The following AGBL1 variants were observed in gnomAD, a reference collection of about 807,000 sequenced individuals.
The protein encoded by AGBL1 is cytosolic carboxypeptidase 4.
Under a neutral mutation model 118.9 loss-of-function variants are expected in AGBL1, and 130 were observed. The observed-to-expected ratio is 1.09, with a 90% CI of 0.95 to 1.26. The LOEUF is 1.26. AGBL1 is among the 50% of genes most tolerant of loss of function. AGBL1 has a pLI of 0.00. For synonymous variants in AGBL1, 555 were observed against 478.9 expected (o/e 1.16, Z -2.08); for missense variants, 1,584 against 1,298.1 (o/e 1.22, Z -3.38).
At chr15:86,854,503 G>A (rs767032123) in intron 22 of AGBL1, among the ~76,000 whole-genome samples, 6 of 152,154 alleles carry the variant, frequency 3.9e-5, no homozygotes, top group African/African-American at 7.2e-5. Context: ...TCAAGCCAAA[G>A]GATTATGATG....
chr15:86,917,978 A>C (rs889652661), downstream of AGBL1, among the ~76,000 whole-genome samples: 42 of 152,194 alleles, frequency 2.8e-4, no homozygotes, highest in African/African-American at 9.4e-4. This position sits in a 1 kb window ranked among gnomAD's most constrained non-coding sequence, Gnocchi z 4.8. Flanking sequence ...ACTCCCAAGC[A>C]GCTGGGTTCT....
At chr15:86,525,226 C>T (rs758079465) in intron 19 of AGBL1, among the ~76,000 whole-genome samples, 2 of 151,552 alleles carry the variant, frequency 1.3e-5, no homozygotes, top group African/African-American at 2.4e-5. Flanking sequence ...AACCACAAAA[C>T]ACTGATAAAA....
At chr15:86,781,670 T>G (rs2078338363) in intron 22 of AGBL1, among the ~76,000 whole-genome samples, 1 of 152,172 alleles carries the variant, frequency 6.6e-6, no homozygotes, top group Non-Finnish European at 1.5e-5. Flanking sequence ...CTGAGTCGTT[T>G]CATTGTAAGA....
chr15:86,749,757 G>A (rs549789750), intron 22 of AGBL1, among the ~76,000 whole-genome samples: 9 of 152,176 alleles, frequency 5.9e-5, no homozygotes, highest in South Asian at 2.1e-4. Flanking sequence ...TTCTGCATCT[G>A]TTGAGATAAT....
chr15:86,622,957 A>G (rs528996271), intron 21 of AGBL1, among the ~76,000 whole-genome samples: 1 of 152,272 alleles, frequency 6.6e-6, no homozygotes, highest in African/African-American at 2.4e-5. Context: ...TCTCAAAAGG[A>G]GCATGCAGTG....
chr15:86,583,625 G>A (rs1033458544), intron 21 of AGBL1, among the ~76,000 whole-genome samples: 4 of 152,142 alleles, frequency 2.6e-5, no homozygotes, highest in South Asian at 2.1e-4. Context: ...ATTGTGAATC[G>A]TGCTACAGTG....
intron 22 of AGBL1, among the ~76,000 whole-genome samples, chr15:86,691,719 T>G (rs2086175716): frequency 6.6e-6 from 1 of 152,142 alleles, no homozygotes; most frequent in East Asian, 1.9e-4. Flanking sequence ...TAAACCGATT[T>G]GCTCCTTTTC....
chr15:86,405,763 A>G (rs1325489783), intron 18 of AGBL1, among the ~76,000 whole-genome samples: 2 of 152,318 alleles, frequency 1.3e-5, no homozygotes, highest in Admixed American at 1.3e-4. Flanking sequence ...AAGACTTAAT[A>G]TAAGGAATTA....
chr15:86,325,965 G>C (rs1022793840), intron 17 of AGBL1, among the ~76,000 whole-genome samples: 5 of 152,160 alleles, frequency 3.3e-5, no homozygotes, highest in African/African-American at 1.2e-4. Context: ...TGAGCAGGAA[G>C]TTCTGTTCCC....
chr15:86,974,585 A>AAAATTATATATAATTATATAATAT (rs1567267951), intron 23 of AGBL1, among the ~76,000 whole-genome samples: 4 of 139,572 alleles, frequency 2.9e-5, no homozygotes, highest in African/African-American at 8.3e-5. Flanking sequence ...TAAATATATA[A>AAAATTATATATAATTATATAATAT]AAATTATATA....
chr15:86,479,935 G>A lies in AGBL1; in HGVS notation c.2556-42875G>A, dbSNP rs4380032. 2.9e-3 allele frequency among the ~76,000 whole-genome samples: 436 copies of A among 152,048 alleles called. 4 individuals are homozygous for A. The highest frequency in any genetic ancestry group is 4.6e-3 in the East Asian group (24 of 5,174). On this transcript the variant is annotated intron_variant, in intron 18 of 22. Transcript: ENST00000614907. ...AAAGGATGAATTCATATCCTTTGTA[G>A]GGACATGGATGAAGCTGGAAACCAT...
At chr15:86,636,750 TATATATATACAC>T (rs2085100110) in intron 21 of AGBL1, among the ~76,000 whole-genome samples, 5 of 59,222 alleles carry the variant, frequency 8.4e-5, no homozygotes, top group African/African-American at 4.9e-4. Context: ...TATATATATA[TATATATATACAC>T]ATACATACAG....
intron 24 of AGBL1, among the ~76,000 whole-genome samples, chr15:87,027,445 C>A (rs967108158): frequency 6.7e-6 from 1 of 150,140 alleles, no homozygotes; most frequent in Admixed American, 6.7e-5. Context: ...ATAAATAATT[C>A]TATTATATAG....
intron 22 of AGBL1, among the ~76,000 whole-genome samples, chr15:86,753,861 C>T (rs2077894012): frequency 6.6e-6 from 1 of 152,108 alleles, no homozygotes; most frequent in Non-Finnish European, 1.5e-5. Flanking sequence ...TGCAGGTCTC[C>T]CTCTATCCCA....
intron 22 of AGBL1, among the ~76,000 whole-genome samples, chr15:86,746,841 A>C (rs985646938): frequency 1.3e-5 from 2 of 152,206 alleles, no homozygotes; most frequent in Admixed American, 6.6e-5. Context: ...CACACAAACA[A>C]TATAACTATA....
At chr15:86,519,660 A>G (rs1412152921) in intron 18 of AGBL1, among the ~76,000 whole-genome samples, 2 of 152,148 alleles carry the variant, frequency 1.3e-5, no homozygotes, top group African/African-American at 2.4e-5. Context: ...ACACAGAGAT[A>G]CTCTCCAAAT....
At chr15:87,008,485 G>T (rs1433594044) in intron 24 of AGBL1, among the ~76,000 whole-genome samples, 1 of 152,084 alleles carries the variant, frequency 6.6e-6, no homozygotes. Context: ...TTTCTTTCCA[G>T]TCTCAGGGTA....
At chr15:87,015,547 C>G (rs566518560) in intron 24 of AGBL1, among the ~76,000 whole-genome samples, 1 of 152,286 alleles carries the variant, frequency 6.6e-6, no homozygotes, top group East Asian at 1.9e-4. Flanking sequence ...TCAGTAAACA[C>G]TGAGTGCCTT....
intron 21 of AGBL1, among the ~76,000 whole-genome samples, chr15:86,653,033 C>T (rs372431122): frequency 2.0e-5 from 3 of 152,154 alleles, no homozygotes; most frequent in African/African-American, 7.2e-5. Context: ...GTTATAGACC[C>T]TAACAAATGC....
Sources: gnomAD v4.1 joint callset for allele counts (sites outside exome capture counted in the v4.1 genomes callset) on GRCh38, gnomAD v4.1.1 for gene constraint, Gnocchi (gnomAD v3.1) non-coding constraint, MANE v1.5 for transcripts, NCBI Gene and HGNC (gene_info 2026-07-23, HGNC 2026-07-21) for gene names.